PARVB: variants seen among roughly 807,000 people sequenced by gnomAD.
The protein encoded by PARVB is parvin beta.
A neutral mutation model predicts 47.0 loss-of-function variants in PARVB; 46 were observed. The ratio of observed to expected loss-of-function variants is 0.98; its 90% CI spans 0.77 to 1.25. PARVB has a LOEUF of 1.25. Among genes scored for constraint, PARVB ranks in the 50% most tolerant of loss-of-function variants. The probability of loss-of-function intolerance (pLI) is 0.00; values close to 1 mark genes in which losing one functional copy is unlikely to be tolerated. For missense variants in PARVB, 473 were observed against 471.6 expected (o/e 1.00, Z -0.03); for synonymous variants, 196 against 196.3 (o/e 1.00, Z 0.01).
At chr22:44,161,475 G>A (rs139076) in intron 11 of PARVB, among the ~76,000 whole-genome samples, 59,731 of 151,588 alleles carry the variant, frequency 0.39, 12,125 homozygotes, top group South Asian at 0.5. Flanking sequence ...CACCATGCCT[G>A]GCTAATTTTT....
chr22:44,059,358 A>T (rs150396187), intron 1 of PARVB, among the ~76,000 whole-genome samples: 118 of 152,222 alleles, frequency 7.8e-4, no homozygotes, highest in African/African-American at 2.7e-3. Flanking sequence ...GTGGCTAGTT[A>T]TTAGACTGTT....
At chr22:44,027,183 AG>A (rs1201266322) in intron 1 of PARVB, among the ~76,000 whole-genome samples, 4 of 152,090 alleles carry the variant, frequency 2.6e-5, no homozygotes, top group Non-Finnish European at 5.9e-5. Flanking sequence ...GGGACGTGAA[AG>A]GACAGCGTGT....
intron 2 of PARVB, among the ~76,000 whole-genome samples, chr22:44,001,447 A>G (rs1423915124): frequency 6.6e-6 from 1 of 152,248 alleles, no homozygotes; most frequent in Non-Finnish European, 1.5e-5. Context: ...TCCCTGGAAC[A>G]TGCTCAGAAC....
chr22:44,073,840 C>G (rs2051707351), intron 1 of PARVB, among the ~76,000 whole-genome samples: 1 of 152,380 alleles, frequency 6.6e-6, no homozygotes, highest in East Asian at 1.9e-4. Flanking sequence ...GGCTCGGCAG[C>G]TGGCCTGCAC....
chr22:44,096,336 T>C (rs1310129052), intron 2 of PARVB, among the ~76,000 whole-genome samples: 1 of 152,132 alleles, frequency 6.6e-6, no homozygotes, highest in African/African-American at 2.4e-5. Flanking sequence ...AAGTTGAGGC[T>C]ACAGTGAGCC....
At chr22:44,149,669 A>G (rs1202968606) in intron 9 of PARVB, 1 of 152,186 alleles carries the variant, frequency 6.6e-6, no homozygotes, top group Non-Finnish European at 1.5e-5. Flanking sequence ...TCTCCCTTGC[A>G]TTGCGTGTTT....
chr22:44,120,856 T>A (rs1054395904), intron 4 of PARVB, among the ~76,000 whole-genome samples: 5 of 151,866 alleles, frequency 3.3e-5, no homozygotes, highest in Non-Finnish European at 7.4e-5. Flanking sequence ...TTTTTTTTCT[T>A]TTTTTGAAAT....
chr22:44,147,536 A>G, intron 8 of PARVB: 1 of 429,436 alleles, frequency 2.3e-6, no homozygotes, highest in Non-Finnish European at 4.5e-6. Context: ...AGGACGCCTC[A>G]AGTCCTAGGA....
chr22:44,043,891 C>T (rs961499083), intron 1 of PARVB, among the ~76,000 whole-genome samples: 7 of 152,182 alleles, frequency 4.6e-5, no homozygotes, highest in Admixed American at 3.3e-4. Context: ...CAGTCTTCCT[C>T]CTCCTCCTCA....
chr22:44,011,650 T>A (rs1452890534), intron 2 of PARVB, among the ~76,000 whole-genome samples: 6 of 151,854 alleles, frequency 4.0e-5, no homozygotes, highest in East Asian at 1.9e-4. Flanking sequence ...AAATAAAATT[T>A]AAAAAATTGA....
intron 4 of PARVB, chr22:44,119,941 G>A (rs1219769184): frequency 5.1e-5 from 24 of 466,072 alleles, no homozygotes; most frequent in Admixed American, 2.1e-4. Context: ...AGCAGAGTTC[G>A]CAGATGATGC....
rs1374672417 is a variant in PARVB, at chr22:44,115,163, G to T, written c.274-3875G>T. 8.5e-5 allele frequency: 6 copies of T among 70,362 alleles called. 2 individuals are homozygous for T. The highest frequency in any genetic ancestry group is 8.0e-4 in the Admixed American group (6 of 7,532). The allele number at this position is 70,362 out of a possible 1,614,324, so 4.4% of individuals were successfully genotyped here. On this transcript the variant is annotated intron_variant, in intron 3 of 12. Coordinates refer to ENST00000338758, the MANE Select transcript of PARVB (RefSeq NM_013327.5). ...CACAGATACACTGTTACTAACTAAG[G>T]CCCTGTACCAACACAGATACTTTGT...
chr22:44,134,263 GA>G (rs2053393068), intron 6 of PARVB, among the ~76,000 whole-genome samples: 1 of 152,184 alleles, frequency 6.6e-6, no homozygotes, highest in African/African-American at 2.4e-5. Flanking sequence ...CCTTCCTAAG[GA>G]GGATGTTTGT....
At chr22:44,044,986 C>G (rs1349635175) in intron 1 of PARVB, among the ~76,000 whole-genome samples, 1 of 152,178 alleles carries the variant, frequency 6.6e-6, no homozygotes, top group Non-Finnish European at 1.5e-5. Context: ...TCCAGGCAAT[C>G]TCAGTACTTT....
chr22:44,021,756 GACTCACACACACACACAC>G (rs796400660), upstream of PARVB, among the ~76,000 whole-genome samples: 6,064 of 105,036 alleles, frequency 0.058, 210 homozygotes, highest in South Asian at 0.087. Flanking sequence ...GTAAAGTCTA[GACTCACACACACACACAC>G]ACACACACAC....
At chr22:44,119,985 C>T (rs2053007063) in intron 4 of PARVB, 1 of 417,932 alleles carries the variant, frequency 2.4e-6, no homozygotes, top group South Asian at 1.7e-5. Context: ...AGTGGGTTCT[C>T]ACGATGCCTG....
chr22:44,122,504 G>GAGAGAC (rs2053073308), intron 4 of PARVB, among the ~76,000 whole-genome samples: 1 of 92,688 alleles, frequency 1.1e-5, no homozygotes, highest in African/African-American at 7.3e-5. Context: ...GAGAGAGAGA[G>GAGAGAC]AGAGAGAGAG....
Position 44,172,921 on chromosome 22 carries a change from A to G in PARVB, c.*4243A>G. ...GTCACAGTATGCTGTTATTTATTCC[A>G]ATAAAGACCTCGTGAGCATGGGCCT... On this transcript the variant is annotated 3_prime_UTR_variant, in exon 13 of 13. Transcript: ENST00000338758. The G allele has an allele frequency of 2.5e-6, 3 of 1,208,044 alleles. No individual in the cohort carries two copies. Among genetic ancestry groups the G allele is most frequent in the Non-Finnish European group, 2.2e-6 (2 of 918,664 alleles). 74.8% of individuals were successfully genotyped at this position (1,208,044 alleles called of 1,614,324 possible). A position where few individuals can be genotyped will look rare whatever the true frequency, so the allele number is the denominator to read the frequency against.
chr22:44,098,984 G>T (rs923872983), intron 2 of PARVB, among the ~76,000 whole-genome samples: 4 of 152,176 alleles, frequency 2.6e-5, no homozygotes, highest in Admixed American at 6.5e-5. Flanking sequence ...CTTCAAAGCT[G>T]TTTTCATTCT....
Sources: allele counts gnomAD v4.1 joint callset (sites outside exome capture counted in the v4.1 genomes callset), GRCh38; gene constraint gnomAD v4.1.1; transcripts MANE v1.5; gene names NCBI Gene and HGNC (gene_info 2026-07-23, HGNC 2026-07-21).